Variants in ATP2C1 observed in about 807,000 individuals in gnomAD.
The protein encoded by ATP2C1 is ATPase secretory pathway Ca2+ transporting 1.
Under a neutral mutation model 120.5 loss-of-function variants are expected in ATP2C1, and 31 were observed. The observed-to-expected ratio is 0.26, with a 90% CI of 0.19 to 0.35. The LOEUF (loss-of-function observed/expected upper bound fraction) is 0.35. Among genes scored for constraint, ATP2C1 ranks in the 10% least tolerant of loss-of-function variants. The pLI, the probability that ATP2C1 is intolerant of heterozygous loss-of-function variation, is 1.00. For synonymous variants in ATP2C1, 351 were observed against 358.7 expected (o/e 0.98, Z 0.24); for missense variants, 731 against 1,107.5 (o/e 0.66, Z 4.83).
At chr3:130,936,084 T>G (rs2059657345) in intron 5 of ATP2C1, among the ~76,000 whole-genome samples, 1 of 152,152 alleles carries the variant, frequency 6.6e-6, no homozygotes, top group Admixed American at 6.5e-5. Flanking sequence ...ATGATAAAAT[T>G]CAGGTTTTCA....
intron 12 of ATP2C1, 148 bp downstream of exon 12, chr3:130,959,489 T>TA: frequency 1.9e-6 from 1 of 535,456 alleles, no homozygotes; most frequent in East Asian, 3.1e-5. Flanking sequence ...AGTCATATAT[T>TA]AAAATTATCC....
Position 130,894,476 on chromosome 3 carries a change from A to G in ATP2C1, c.-180-114A>G. ...GGCGTGAGCTGGGGACGTTGCGGGC[A>G]CACGACGGGGCGGGTGCGGGATCTT... is the stretch of plus-strand genomic sequence containing the variant. On this transcript the variant is annotated intron_variant, in intron 1 of 27. Coordinates refer to ENST00000510168, the MANE Select transcript of ATP2C1 (RefSeq NM_001378687.1). The surrounding 1 kb of genome is among the most constrained non-coding windows in gnomAD (Gnocchi z 4.5). 1 of 1,354,720 alleles carries G rather than the reference A, an allele frequency of 7.4e-7. No individual in the cohort carries two copies. The highest frequency in any genetic ancestry group is 3.0e-5 in the East Asian group (1 of 33,284). The allele number at this position is 1,354,720 out of a possible 1,614,324, so 83.9% of individuals were successfully genotyped here.
chr3:130,960,052 A>G (rs2060752064), intron 12 of ATP2C1, among the ~76,000 whole-genome samples: 1 of 152,172 alleles, frequency 6.6e-6, no homozygotes, highest in Non-Finnish European at 1.5e-5. Context: ...AGGATTCACT[A>G]AATACCAAGC....
chr3:130,911,154 A>G (rs1409576074), intron 2 of ATP2C1, among the ~76,000 whole-genome samples: 2 of 142,826 alleles, frequency 1.4e-5, no homozygotes, highest in African/African-American at 2.6e-5. Flanking sequence ...CAGAGATTCA[A>G]CTTCTTCCTG....
chr3:130,894,748 C>A lies in ATP2C1; in HGVS notation c.-22C>A, dbSNP rs767748299. On this transcript the variant is annotated 5_prime_UTR_variant, in exon 2 of 28. Transcript: ENST00000510168. This position sits in a 1 kb window ranked among gnomAD's most constrained non-coding sequence, Gnocchi z 4.5. The stretch of plus-strand genomic sequence containing the variant: ...CACTAAAGACTTTGTAGCCATCAAC[C>A]CGAGTGCAGTTTCGATGGAAAATGA... The A allele has an allele frequency of 8.1e-6, 13 of 1,614,202 alleles. No individual in the cohort carries two copies. In the South Asian group the frequency reaches 1.3e-4, roughly 16 times the overall value.
At chr3:130,971,331 A>G (rs1294588349) in intron 17 of ATP2C1, among the ~76,000 whole-genome samples, 1 of 152,198 alleles carries the variant, frequency 6.6e-6, no homozygotes, top group East Asian at 1.9e-4. Flanking sequence ...GTTTGGAAAC[A>G]TTTGATTATT....
intron 2 of ATP2C1, chr3:130,899,453 G>T: frequency 6.6e-6 from 1 of 152,080 alleles, no homozygotes; most frequent in East Asian, 1.9e-4. Flanking sequence ...TTAAGCAGAA[G>T]TGGATCACTA....
rs150836040 is a variant in ATP2C1, at chr3:130,967,022, CT to C, written c.1123-119del. On this transcript the variant is annotated intron_variant, in intron 14 of 27. Transcript: ENST00000510168. ...ATTTTAATGCTTTTCTAGGTGAACACTTTTAACAGTGTCATTATAAATAAAA... is the reference window on the plus strand; with the variant it reads ...ATTTTAATGCTTTTCTAGGTGAACACTTTAACAGTGTCATTATAAATAAAA... 6,569 of 800,398 alleles carry C rather than the reference CT, an allele frequency of 8.2e-3. 284 individuals carry two copies. In the African/African-American group the frequency reaches 0.094, roughly 11 times the overall value. 49.6% of individuals were successfully genotyped at this position (800,398 alleles called of 1,614,324 possible). A position where few individuals can be genotyped will look rare whatever the true frequency, so the allele number is the denominator to read the frequency against.
intron 27 of ATP2C1, among the ~76,000 whole-genome samples, chr3:131,000,915 C>T (rs2062851944): frequency 6.6e-6 from 1 of 151,850 alleles, no homozygotes; most frequent in African/African-American, 2.4e-5. Flanking sequence ...CCAGCCTGTC[C>T]AAAATGGTGA....
intron 23 of ATP2C1, 39 bp from the exon 24 acceptor site, chr3:130,996,641 A>T (rs766918505): frequency 2.3e-6 from 3 of 1,301,280 alleles, no homozygotes; most frequent in Non-Finnish European, 2.2e-6. Flanking sequence ...CAACAGATTT[A>T]CTCTACTGAT....
At position 130,964,114 on chromosome 3, in the gene ATP2C1, C is replaced by A; in HGVS notation, c.1024+19C>A. The A allele has an allele frequency of 6.2e-7, 1 of 1,611,300 alleles. No individual in the cohort carries two copies. The highest frequency in any genetic ancestry group is 8.5e-7 in the Non-Finnish European group (1 of 1,177,916). On this transcript the variant is annotated intron_variant, in intron 13 of 27. Transcript: ENST00000510168. ...ACTCTGGGTAAGTCTGTGTTAAGAG[C>A]ATTCTTATGCAATGATGCGTAAGTT... is the stretch of plus-strand genomic sequence containing the variant.
chr3:131,015,294 A>T, intron 26 of ATP2C1: 1 of 689,408 alleles, frequency 1.5e-6, no homozygotes, highest in Non-Finnish European at 2.6e-6. Context: ...CCCTCCCCCC[A>T]CAGAGTTTAC....
rs764778808 is a variant in ATP2C1, at chr3:130,994,050, A to G, written c.2009A>G (p.Lys670Arg). 8.1e-6 allele frequency: 13 copies of G among 1,614,046 alleles called. No individual in the cohort carries two copies. The highest frequency in any genetic ancestry group is 4.4e-5 in the South Asian group (4 of 91,090). ...AMGQTGTDVC[K>R]EAADMILVDD... ...GGCCAGACTGGTACAGATGTTTGCA[A>G]AGAGGCAGCAGACATGATCCTAGTG... The change falls in exon 22 of 28, where the codon AAA becomes AGA. Residue 670 changes from lysine to arginine, a missense_variant. This residue lies in a region of ATP2C1 where 571 missense variants were observed against 845.9 expected (regional missense o/e 0.67). Coordinates refer to ENST00000510168, the MANE Select transcript of ATP2C1 (RefSeq NM_001378687.1).
intron 10 of ATP2C1, 53 bp from the exon 11 acceptor site, chr3:130,956,051 A>G (rs894253109): frequency 7.9e-6 from 10 of 1,267,618 alleles, no homozygotes; most frequent in Non-Finnish European, 1.0e-5. Context: ...GGCACTTGAT[A>G]AAGCTTAGTA....
At chr3:130,992,623 G>A (rs2062408952) in intron 20 of ATP2C1, among the ~76,000 whole-genome samples, 4 of 152,154 alleles carry the variant, frequency 2.6e-5, no homozygotes, top group Admixed American at 2.6e-4. Context: ...GAGTGTCATA[G>A]GAAACAGACG....
chr3:130,914,398 C>G (rs1482680425), intron 2 of ATP2C1: 1 of 151,764 alleles, frequency 6.6e-6, no homozygotes, highest in Non-Finnish European at 1.5e-5. Flanking sequence ...GGTGTTGGAT[C>G]TGTAACTGAC....
downstream of ATP2C1, among the ~76,000 whole-genome samples, chr3:131,005,496 C>T (rs1560043426): frequency 6.6e-6 from 1 of 152,132 alleles, no homozygotes; most frequent in Non-Finnish European, 1.5e-5. Flanking sequence ...AGTCTGTGGC[C>T]TTTGGCTTGA....
downstream of ATP2C1, among the ~76,000 whole-genome samples, chr3:131,006,424 T>A (rs899668130): frequency 3.3e-5 from 5 of 152,176 alleles, no homozygotes; most frequent in Admixed American, 2.6e-4. Context: ...TTTATTTTTT[T>A]AAATTTTACT....
At chr3:130,871,718 A>G (rs538929170) in intron 1 of ATP2C1, among the ~76,000 whole-genome samples, 1 of 152,162 alleles carries the variant, frequency 6.6e-6, no homozygotes, top group African/African-American at 2.4e-5. Flanking sequence ...AGTGTTACTT[A>G]ATGCTTAGTA....
Sources: allele counts gnomAD v4.1 joint callset (sites outside exome capture counted in the v4.1 genomes callset), GRCh38; gene constraint gnomAD v4.1.1; regional missense constraint gnomAD v4.1.1; non-coding constraint Gnocchi (gnomAD v3.1); transcripts MANE v1.5; gene names NCBI Gene and HGNC (gene_info 2026-07-23, HGNC 2026-07-21).